ZDHHC14: variants seen among roughly 807,000 people sequenced by gnomAD.
The protein encoded by ZDHHC14 is palmitoyltransferase ZDHHC14.
A neutral mutation model predicts 47.7 loss-of-function variants in ZDHHC14; 16 were observed. That is an observed-to-expected ratio of 0.34 (90% CI 0.23 to 0.51). The LOEUF (loss-of-function observed/expected upper bound fraction) is 0.51. Ranked by LOEUF, ZDHHC14 falls within the 20% of genes least tolerant of loss-of-function variation. The pLI is 0.97. For synonymous variants in ZDHHC14, 293 were observed against 278.9 expected (o/e 1.05, Z -0.50); for missense variants, 515 against 662.5 (o/e 0.78, Z 2.44).
In ZDHHC14 at chr6:157,539,233, T is replaced by G. The variant is rs957797185; in HGVS notation, c.246-3352T>G. On this transcript the variant is annotated intron_variant, in intron 1 of 8. Transcript: ENST00000359775. ...GAGACCAGCCTGGGCAACAAAGTGT[T>G]TCTACAAAACACACAAAAAATTAGC... 1.3e-4 allele frequency among the ~76,000 whole-genome samples: 20 copies of G among 151,728 alleles called. No individual in the cohort carries two copies. The East Asian group carries it at 3.7e-3, about 28-fold the overall frequency.
intron 4 of ZDHHC14, chr6:157,630,290 A>G (rs145322540): frequency 1.2e-3 from 176 of 152,228 alleles, no homozygotes; most frequent in African/African-American, 3.9e-3. Flanking sequence ...TAGACATTGT[A>G]TTTTTATATC....
intron 1 of ZDHHC14, among the ~76,000 whole-genome samples, chr6:157,390,486 G>A (rs1473178735): frequency 6.6e-6 from 1 of 151,942 alleles, no homozygotes; most frequent in Non-Finnish European, 1.5e-5. Context: ...TATTTCTTCA[G>A]TACCTCTTTT....
At chr6:157,385,521 G>C (rs765859967) in intron 1 of ZDHHC14, among the ~76,000 whole-genome samples, 1 of 152,222 alleles carries the variant, frequency 6.6e-6, no homozygotes, top group African/African-American at 2.4e-5. Context: ...GCCCTCCCCT[G>C]TCTGCAATTC....
At position 157,484,346 on chromosome 6, in the gene ZDHHC14, GT is replaced by G. The variant is rs200760707; in HGVS notation, c.246-58238del. Among the ~76,000 whole-genome samples, 415 of 134,536 alleles carry G rather than the reference GT, an allele frequency of 3.1e-3. 18 individuals are homozygous for G. In the East Asian group the frequency reaches 0.085, roughly 27 times the overall value. 88.3% of individuals were successfully genotyped at this position (134,536 alleles called of 152,430 possible). ...ATATATACGTATATATACATTATAC[GT>G]ATATATACACACATATATACGTATA... On this transcript the variant is annotated intron_variant, in intron 1 of 8. Coordinates refer to ENST00000359775, the MANE Select transcript of ZDHHC14 (RefSeq NM_024630.3).
intron 2 of ZDHHC14, among the ~76,000 whole-genome samples, chr6:157,545,801 C>T (rs946786378): frequency 3.9e-5 from 6 of 152,128 alleles, no homozygotes; most frequent in African/African-American, 1.4e-4. Context: ...AATCCTGGCT[C>T]ACCCTTTCTC....
intron 1 of ZDHHC14, among the ~76,000 whole-genome samples, chr6:157,462,423 G>T (rs893919181): frequency 1.3e-5 from 2 of 152,192 alleles, no homozygotes; most frequent in African/African-American, 4.8e-5. Context: ...CCTGCATTAT[G>T]TTCTGACTTA....
intron 2 of ZDHHC14, among the ~76,000 whole-genome samples, chr6:157,543,502 A>G (rs1371051655): frequency 6.6e-6 from 1 of 152,190 alleles, no homozygotes; most frequent in Non-Finnish European, 1.5e-5. Context: ...GGCCTGAAAA[A>G]TCACTTGGCA....
intron 1 of ZDHHC14, among the ~76,000 whole-genome samples, chr6:157,406,145 A>G (rs992229559): frequency 6.6e-6 from 1 of 152,224 alleles, no homozygotes; most frequent in Non-Finnish European, 1.5e-5. Context: ...GGATTAGCTC[A>G]TCACTTTCCC....
intron 2 of ZDHHC14, among the ~76,000 whole-genome samples, chr6:157,552,403 G>C (rs111739872): frequency 6.6e-6 from 1 of 152,062 alleles, no homozygotes; most frequent in Non-Finnish European, 1.5e-5. Context: ...GATGTGCTGG[G>C]CGTGAGGAGG....
At chr6:157,484,293 GTATA>G (rs113082888) in intron 1 of ZDHHC14, among the ~76,000 whole-genome samples, 2 of 139,168 alleles carry the variant, frequency 1.4e-5, no homozygotes, top group Admixed American at 7.3e-5. Flanking sequence ...ATATATATGT[GTATA>G]TATATATACA....
chr6:157,535,727 G>A (rs1781526547), intron 1 of ZDHHC14, among the ~76,000 whole-genome samples: 1 of 152,190 alleles, frequency 6.6e-6, no homozygotes, highest in Admixed American at 6.5e-5. Context: ...TCTTGTAGGG[G>A]AATGTCACTC....
intron 1 of ZDHHC14, among the ~76,000 whole-genome samples, chr6:157,395,520 G>T (rs990274515): frequency 2.0e-5 from 3 of 152,048 alleles, no homozygotes; most frequent in African/African-American, 7.2e-5. Flanking sequence ...GTTCCGCCGG[G>T]CGCGGTGGCT....
chr6:157,588,102 A>C (rs1783763696), intron 2 of ZDHHC14, among the ~76,000 whole-genome samples: 1 of 152,152 alleles, frequency 6.6e-6, no homozygotes, highest in South Asian at 2.1e-4. Context: ...ACTAAAAAAA[A>C]CACAAAAATT....
chr6:157,449,076 G>T lies in ZDHHC14; in HGVS notation c.245+66810G>T, dbSNP rs907635676. Among the ~76,000 whole-genome samples, 30 of 152,210 alleles carry T rather than the reference G, an allele frequency of 2.0e-4. 1 individual carries two copies. The highest frequency in any genetic ancestry group is 1.7e-3 in the Admixed American group (26 of 15,278). On this transcript the variant is annotated intron_variant, in intron 1 of 8. Coordinates refer to ENST00000359775, the MANE Select transcript of ZDHHC14 (RefSeq NM_024630.3). ...GTGCAGGCCTCTTCACATGTGGCTT[G>T]CCCACCTCAGGCACCCAGGACCATA...
At chr6:157,620,426 A>C (rs1785142451) in intron 3 of ZDHHC14, among the ~76,000 whole-genome samples, 1 of 152,176 alleles carries the variant, frequency 6.6e-6, no homozygotes, top group African/African-American at 2.4e-5. Flanking sequence ...TTTCAATGTG[A>C]GTTTCAGAGG....
At chr6:157,669,654 T>C (rs78714983) in intron 8 of ZDHHC14, among the ~76,000 whole-genome samples, 5,223 of 152,306 alleles carry the variant, frequency 0.034, 323 homozygotes, top group African/African-American at 0.12. Context: ...GACAAGCAAA[T>C]CTAATTTGCC....
At chr6:157,628,227 C>G in intron 3 of ZDHHC14, 122 bp from the exon 4 acceptor site, 1 of 971,422 alleles carries the variant, frequency 1.0e-6, no homozygotes, top group Non-Finnish European at 1.4e-6. Flanking sequence ...TGGAAATATG[C>G]AGAATAATAT....
chr6:157,613,177 C>T (rs1397438345), intron 3 of ZDHHC14, among the ~76,000 whole-genome samples: 10 of 152,182 alleles, frequency 6.6e-5, no homozygotes, highest in Admixed American at 5.2e-4. Context: ...GAGGGCCTCA[C>T]GTGTGCCTCC....
At chr6:157,525,523 C>T (rs1020059468) in intron 1 of ZDHHC14, among the ~76,000 whole-genome samples, 2 of 152,062 alleles carry the variant, frequency 1.3e-5, no homozygotes, top group Non-Finnish European at 2.9e-5. Context: ...CCAATGAGAG[C>T]TCCAGAGGCA....
Sources: allele counts gnomAD v4.1 joint callset (sites outside exome capture counted in the v4.1 genomes callset), GRCh38; gene constraint gnomAD v4.1.1; transcripts MANE v1.5; gene names NCBI Gene and HGNC (gene_info 2026-07-23, HGNC 2026-07-21).